Variants in CHD9 observed in about 807,000 individuals in gnomAD.
The protein encoded by CHD9 is chromodomain helicase DNA binding protein 9.
In CHD9, 77 loss-of-function variants were observed where a neutral mutation model predicts 316.1. The ratio of observed to expected loss-of-function variants is 0.24; its 90% CI spans 0.20 to 0.29. CHD9 has a LOEUF of 0.29. CHD9 is among the 10% of genes least tolerant of loss of function. The probability of loss-of-function intolerance (pLI) is 1.00; values close to 1 mark genes in which losing one functional copy is unlikely to be tolerated. For missense variants in CHD9, 2,763 were observed against 3,438.1 expected (o/e 0.80, Z 4.91); for synonymous variants, 1,129 against 1,158.3 (o/e 0.97, Z 0.51).
chr16:53,149,067 A>T (rs1469277656), intron 1 of CHD9, among the ~76,000 whole-genome samples: 2 of 152,108 alleles, frequency 1.3e-5, no homozygotes, highest in Non-Finnish European at 2.9e-5. Flanking sequence ...GATTTTTCTA[A>T]TTTGGCTTCT....
At chr16:53,249,144 T>C (rs1019321865) in intron 16 of CHD9, among the ~76,000 whole-genome samples, 1 of 152,148 alleles carries the variant, frequency 6.6e-6, no homozygotes, top group Non-Finnish European at 1.5e-5. Context: ...AATTCAGAGT[T>C]TCTTTATTGT....
At chr16:53,227,299 A>C in intron 5 of CHD9, 97 bp from the exon 6 acceptor site, 1 of 719,610 alleles carries the variant, frequency 1.4e-6, no homozygotes, top group Non-Finnish European at 2.3e-6. Context: ...CTGTATAAAT[A>C]TTTGTTGAAT....
At chr16:53,296,776 T>A (rs1354112010) in intron 29 of CHD9, among the ~76,000 whole-genome samples, 180 bp from the exon 30 acceptor site, 1 of 152,134 alleles carries the variant, frequency 6.6e-6, no homozygotes, top group African/African-American at 2.4e-5. Flanking sequence ...AAAAAAAGTA[T>A]GGTTGGATAG....
intron 4 of CHD9, among the ~76,000 whole-genome samples, chr16:53,223,934 G>A (rs2047445239): frequency 6.6e-6 from 1 of 152,068 alleles, no homozygotes; most frequent in South Asian, 2.1e-4. Flanking sequence ...ATGTGATTTG[G>A]TATTTAATTT....
intron 1 of CHD9, among the ~76,000 whole-genome samples, chr16:53,124,467 A>ATTTT (rs753476091): frequency 1.1e-4 from 11 of 96,958 alleles, no homozygotes; most frequent in East Asian, 3.1e-4. Context: ...GTGAGACTTA[A>ATTTT]TTTTTTTTTT....
At chr16:53,102,600 A>C (rs1398040458) in intron 1 of CHD9, among the ~76,000 whole-genome samples, 1 of 152,098 alleles carries the variant, frequency 6.6e-6, no homozygotes, top group Non-Finnish European at 1.5e-5. Context: ...CTGTAATCTC[A>C]GCACTTTCAG....
rs145249816 is a variant in CHD9, at chr16:53,304,238, G to A, written c.6232G>A (p.Val2078Ile). ...CAGGACACTAATAAAATCTGAGCCT[G>A]TAAGTCCAAAGAATGGTGTTTTACC... ...ETRTLIKSEP[V>I]SPKNGVLPQA... The change falls in exon 31 of 39, where the codon GTA (valine) becomes ATA (isoleucine). Residue 2078 changes from valine (V) to isoleucine (I), a missense_variant. Physicochemically the swap from Val to Ile is conservative, Grantham distance 29 (BLOSUM62 3). Transcript: ENST00000447540. The A allele has an allele frequency of 3.8e-5, 61 of 1,611,020 alleles. No homozygotes were observed. In the East Asian group the frequency reaches 1.3e-3, roughly 35 times the overall value.
intron 22 of CHD9, among the ~76,000 whole-genome samples, chr16:53,272,163 C>T (rs1250293412): frequency 6.6e-6 from 1 of 151,510 alleles, no homozygotes; most frequent in Non-Finnish European, 1.5e-5. Flanking sequence ...CTACACCATG[C>T]GACTACTAAA....
intron 37 of CHD9, among the ~76,000 whole-genome samples, chr16:53,320,571 T>C (rs1485323302): frequency 6.6e-6 from 1 of 152,154 alleles, no homozygotes; most frequent in Non-Finnish European, 1.5e-5. Context: ...ATATTAAACC[T>C]TATCTGTATC....
At chr16:53,280,142 A>G (rs894864856) in intron 24 of CHD9, among the ~76,000 whole-genome samples, 7 of 152,236 alleles carry the variant, frequency 4.6e-5, no homozygotes, top group Non-Finnish European at 8.8e-5. Flanking sequence ...AAGTATAACT[A>G]CCATTTGATC....
intron 1 of CHD9, chr16:53,131,353 AG>A (rs2039287221): frequency 1.3e-4 from 1 of 7,526 alleles, no homozygotes; most frequent in Non-Finnish European, 2.3e-4. Context: ...CGGTGGGGGG[AG>A]GGGGGAGGGG....
chr16:53,136,027 AGG>A (rs2039686754), intron 1 of CHD9, among the ~76,000 whole-genome samples: 1 of 152,098 alleles, frequency 6.6e-6, no homozygotes, highest in Non-Finnish European at 1.5e-5. Context: ...TTAGCTTGTA[AGG>A]GAGCCTGATA....
intron 17 of CHD9, among the ~76,000 whole-genome samples, chr16:53,252,513 A>G (rs1010576296): frequency 1.3e-5 from 2 of 152,156 alleles, no homozygotes; most frequent in Non-Finnish European, 2.9e-5. Context: ...ATGACTAAGG[A>G]CCCAAAAGCA....
intron 32 of CHD9, 132 bp downstream of exon 32, chr16:53,306,529 C>A: frequency 3.2e-6 from 2 of 627,072 alleles, no homozygotes; most frequent in Non-Finnish European, 5.0e-6. Flanking sequence ...GTGTTAGCTC[C>A]AAAAGTATAA....
rs1597857752 is a variant in CHD9 at position 53,292,994 on chromosome 16, A to G, written c.5452A>G (p.Ile1818Val). 1.2e-6 allele frequency: 2 copies of G among 1,613,904 alleles called. No individual in the cohort carries two copies. Among genetic ancestry groups the G allele is most frequent in the South Asian group, 2.2e-5 (2 of 91,070 alleles). ...FSVPTSVMQP[I>V]YEEATLNPKM... ...GGTGCCTACCAGTGTAATGCAGCCT[A>G]TTTATGAGGAAGCCACTCTTAATCC... Residue 1818 changes from isoleucine (I) to valine (V), a missense_variant, in exon 29 of 39, where the codon ATT (isoleucine) becomes GTT (valine). Around this residue, in one of 15 missense-constraint regions of CHD9, gnomAD observed 183 missense variants for 258.5 expected, o/e 0.71. Coordinates refer to ENST00000447540, the MANE Select transcript of CHD9 (RefSeq NM_001308319.2).
At chr16:53,187,716 G>A (rs1264916704) in intron 2 of CHD9, among the ~76,000 whole-genome samples, 2 of 152,012 alleles carry the variant, frequency 1.3e-5, no homozygotes, top group African/African-American at 4.8e-5. Context: ...ATATTGAGGA[G>A]GGGAAAAACA....
chr16:53,125,090 A>T (rs1310276908), intron 1 of CHD9, among the ~76,000 whole-genome samples: 1 of 152,106 alleles, frequency 6.6e-6, no homozygotes, highest in Non-Finnish European at 1.5e-5. Flanking sequence ...CTACTCAGAT[A>T]CTGTGACCAC....
At chr16:53,065,376 G>A (rs2033398546) in intron 1 of CHD9, among the ~76,000 whole-genome samples, 1 of 152,092 alleles carries the variant, frequency 6.6e-6, no homozygotes, top group Non-Finnish European at 1.5e-5. Context: ...GCTCATGCCT[G>A]TAATCCCAGC....
At chr16:53,285,894 A>G (rs1421770202) in intron 25 of CHD9, among the ~76,000 whole-genome samples, 195 bp downstream of exon 25, 3 of 152,156 alleles carry the variant, frequency 2.0e-5, no homozygotes, top group African/African-American at 7.2e-5. Context: ...TGTGTAACCT[A>G]CCCTTCCTGG....
Sources: gnomAD v4.1 joint callset for allele counts (sites outside exome capture counted in the v4.1 genomes callset) on GRCh38, gnomAD v4.1.1 for gene constraint, gnomAD v4.1.1 regional missense constraint, MANE v1.5 for transcripts, NCBI Gene and HGNC (gene_info 2026-07-23, HGNC 2026-07-21) for gene names.